Variants in SGCD observed in about 807,000 individuals in gnomAD.
SGCD encodes delta-sarcoglycan.
In SGCD, 18 loss-of-function variants were observed where a neutral mutation model predicts 36.6. The observed-to-expected ratio is 0.49, with a 90% CI of 0.34 to 0.73. SGCD has a LOEUF of 0.73. SGCD is among the 30% of genes least tolerant of loss of function. The pLI is 0.01. For missense variants in SGCD, 387 were observed against 346.7 expected (o/e 1.12, Z -0.92); for synonymous variants, 133 against 130.6 (o/e 1.02, Z -0.12).
chr5:156,577,210 C>T (rs1404828084), intron 4 of SGCD, among the ~76,000 whole-genome samples: 2 of 152,090 alleles, frequency 1.3e-5, no homozygotes. Context: ...TCAGGTTTGT[C>T]AAAGATCAGA....
chr5:156,162,095 T>A (rs1581138730), intron 3 of SGCD, among the ~76,000 whole-genome samples: 1 of 150,344 alleles, frequency 6.7e-6, no homozygotes, highest in East Asian at 1.9e-4. Flanking sequence ...GCTAATGAGT[T>A]TGTAGTCCCA....
chr5:156,702,056 C>T (rs1754548335), intron 7 of SGCD, among the ~76,000 whole-genome samples: 1 of 152,112 alleles, frequency 6.6e-6, no homozygotes, highest in African/African-American at 2.4e-5. Context: ...GATGTTGCTC[C>T]CCTGTTTGCC....
intron 4 of SGCD, among the ~76,000 whole-genome samples, chr5:156,555,739 C>T (rs531060517): frequency 4.6e-5 from 7 of 150,872 alleles, no homozygotes; most frequent in East Asian, 1.9e-4. Context: ...TTTTTAAGAT[C>T]GGCTCTCCAG....
rs189106170 is a variant in SGCD at position 156,060,727 on chromosome 5, T to C, written c.-281-57151T>C. Among the ~76,000 whole-genome samples, 590 of 146,290 alleles carry C rather than the reference T, an allele frequency of 4.0e-3. 43 individuals carry two copies. Among genetic ancestry groups the C allele is most frequent in the African/African-American group, 0.014 (557 of 40,750 alleles). On this transcript the variant is annotated intron_variant, in intron 1 of 9. Transcript: ENST00000517913. ...TTTAGCCTAAATATGGCTGTTTGAA[T>C]CTTAATAGGTACAATTTGGATGTTG...
intron 1 of SGCD, among the ~76,000 whole-genome samples, chr5:156,072,392 C>G (rs1326380528): frequency 6.6e-6 from 1 of 152,046 alleles, no homozygotes. Flanking sequence ...ACTTATGAAG[C>G]TTAATTTGGC....
At chr5:156,005,474 G>A (rs187873968) in intron 1 of SGCD, among the ~76,000 whole-genome samples, 56 of 151,832 alleles carry the variant, frequency 3.7e-4, no homozygotes, top group African/African-American at 1.3e-3. Context: ...GTTTTGAGAT[G>A]GAGTCTCGCT....
chr5:156,044,087 AG>A (rs944751112), intron 1 of SGCD, among the ~76,000 whole-genome samples: 1 of 152,168 alleles, frequency 6.6e-6, no homozygotes, highest in African/African-American at 2.4e-5. Flanking sequence ...TTTCAGAGGC[AG>A]GGGATGTTTG....
At chr5:156,294,409 C>T (rs1766842485) in intron 3 of SGCD, among the ~76,000 whole-genome samples, 1 of 151,734 alleles carries the variant, frequency 6.6e-6, no homozygotes, top group African/African-American at 2.4e-5. Context: ...CTGGCCTGGT[C>T]AACATAAAGA....
chr5:156,148,580 G>T (rs1285715053), intron 3 of SGCD, among the ~76,000 whole-genome samples: 1 of 151,978 alleles, frequency 6.6e-6, no homozygotes, highest in Admixed American at 6.6e-5. Context: ...ATTTTTGTGG[G>T]TAAGTTCCTG....
At chr5:156,365,622 A>T (rs1204767442) in intron 3 of SGCD, among the ~76,000 whole-genome samples, 1 of 152,154 alleles carries the variant, frequency 6.6e-6, no homozygotes, top group East Asian at 1.9e-4. Context: ...ATGTATACAC[A>T]TACATATACA....
At chr5:155,974,394 G>A (rs1758067932) in intron 1 of SGCD, among the ~76,000 whole-genome samples, 1 of 152,016 alleles carries the variant, frequency 6.6e-6, no homozygotes, top group Non-Finnish European at 1.5e-5. Context: ...AGGTATGGGA[G>A]CATAGTGAGT....
intron 3 of SGCD, among the ~76,000 whole-genome samples, chr5:156,207,532 T>C (rs990653816): frequency 6.6e-6 from 1 of 152,200 alleles, no homozygotes; most frequent in Admixed American, 6.5e-5. Context: ...AAGGTCTACA[T>C]AGAAATTAGC....
At chr5:156,415,298 A>T (rs1772969202) in intron 3 of SGCD, among the ~76,000 whole-genome samples, 1 of 152,228 alleles carries the variant, frequency 6.6e-6, no homozygotes, top group Admixed American at 6.5e-5. Context: ...CTGCTCTTGC[A>T]TGATATTATC....
intron 1 of SGCD, among the ~76,000 whole-genome samples, chr5:156,084,754 A>C (rs1244829712): frequency 1.3e-5 from 2 of 152,188 alleles, no homozygotes; most frequent in South Asian, 2.1e-4. Context: ...TGATAGTTGA[A>C]ATCCTTATCT....
chr5:156,428,067 G>T (rs1463740721), intron 3 of SGCD, among the ~76,000 whole-genome samples: 1 of 151,926 alleles, frequency 6.6e-6, no homozygotes, highest in Admixed American at 6.6e-5. Context: ...TTTAGGGAGG[G>T]TCCCCTCTTT....
rs1761537718 is a variant in SGCD, at chr5:156,607,653, TG to T, written c.502+12605del. On this transcript the variant is annotated intron_variant, in intron 6 of 8. Transcript: ENST00000337851. Reference sequence around the variant, plus strand: ...CTCCTCTTTGTACCTCTGGTAGAATTGGGCTGTGAATCCATCTGGTCCTGGA... The same window carrying T: ...CTCCTCTTTGTACCTCTGGTAGAATTGGCTGTGAATCCATCTGGTCCTGGA... 3.9e-5 allele frequency among the ~76,000 whole-genome samples: 6 copies of T among 152,184 alleles called. No homozygotes were observed. The South Asian group carries it at 1.2e-3, about 32-fold the overall frequency.
rs367650279 is a variant in SGCD at position 156,626,511 on chromosome 5, T to C, written c.503-20953T>C. 1.8e-4 allele frequency among the ~76,000 whole-genome samples: 27 copies of C among 152,280 alleles called. No individual in the cohort carries two copies. In the East Asian group the frequency reaches 4.1e-3, roughly 23 times the overall value. On this transcript the variant is annotated intron_variant, in intron 6 of 8. Transcript: ENST00000337851. ...GTGGGGAAGACAGAAGTGATGTGCA[T>C]AGAGGTTTGAATCTCTGCCTCCTGT...
the SGCD span, among the ~76,000 whole-genome samples, chr5:155,728,886 C>T: frequency 6.6e-6 from 1 of 152,232 alleles, no homozygotes; most frequent in African/African-American, 2.4e-5. Flanking sequence ...AGTGCGTAGC[C>T]TTCGCCGCGT....
chr5:155,872,871 G>A (rs1271719021), intron 1 of SGCD, among the ~76,000 whole-genome samples: 1 of 152,190 alleles, frequency 6.6e-6, no homozygotes, highest in African/African-American at 2.4e-5. Flanking sequence ...GTTAGTTGAA[G>A]TGTTTTTATA....
Sources: allele counts gnomAD v4.1 joint callset (sites outside exome capture counted in the v4.1 genomes callset), GRCh38; gene constraint gnomAD v4.1.1; transcripts MANE v1.5; gene names NCBI Gene and HGNC (gene_info 2026-07-23, HGNC 2026-07-21).